Variants in RFC1 observed in about 807,000 individuals in gnomAD.
RFC1 encodes the protein replication factor C subunit 1, also known as A1 140 kDa subunit.
Under a neutral mutation model 137.4 loss-of-function variants are expected in RFC1, and 37 were observed. The observed-to-expected ratio is 0.27, with a 90% CI of 0.21 to 0.35. The LOEUF is 0.35. Among genes scored for constraint, RFC1 ranks in the 10% least tolerant of loss-of-function variants. The pLI, the probability that RFC1 is intolerant of heterozygous loss-of-function variation, is 1.00. For synonymous variants in RFC1, 429 were observed against 455.7 expected (o/e 0.94, Z 0.75); for missense variants, 1,205 against 1,358.5 (o/e 0.89, Z 1.78).
At chr4:39,361,403 A>G (rs1040979495) in intron 1 of RFC1, among the ~76,000 whole-genome samples, 2 of 152,178 alleles carry the variant, frequency 1.3e-5, no homozygotes, top group Non-Finnish European at 2.9e-5. Flanking sequence ...TCAATCAATC[A>G]ATCAATAAAA....
At chr4:39,301,315 G>A (rs1334708378) in intron 19 of RFC1, among the ~76,000 whole-genome samples, 1 of 152,166 alleles carries the variant, frequency 6.6e-6, no homozygotes, top group Non-Finnish European at 1.5e-5. Flanking sequence ...GTAGAGCACA[G>A]AGGATGTTCA....
At chr4:39,348,445 A>ACGGG (rs1740998202) in intron 2 of RFC1, among the ~76,000 whole-genome samples, 1 of 123,268 alleles carries the variant, frequency 8.1e-6, no homozygotes, top group Non-Finnish European at 1.9e-5. Context: ...AAAAGAAAAG[A>ACGGG]AAAGAAAAGA....
intron 15 of RFC1, 116 bp from the exon 16 acceptor site, chr4:39,303,267 A>T: frequency 2.9e-6 from 2 of 686,122 alleles, no homozygotes. Context: ...CTACAAGAAT[A>T]TGCAGCACTG....
At chr4:39,357,290 G>C (rs1229667607) in intron 1 of RFC1, among the ~76,000 whole-genome samples, 3 of 152,192 alleles carry the variant, frequency 2.0e-5, no homozygotes, top group Non-Finnish European at 4.4e-5. Flanking sequence ...TTCTACTGCT[G>C]TTGTGGCAAG....
At chr4:39,312,595 G>C (rs1178311009) in intron 11 of RFC1, among the ~76,000 whole-genome samples, 157 bp downstream of exon 11, 1 of 152,172 alleles carries the variant, frequency 6.6e-6, no homozygotes, top group Non-Finnish European at 1.5e-5. Context: ...CCTGGTGTCA[G>C]AGCCAATAAC....
chr4:39,337,863 A>G (rs1336645596), intron 4 of RFC1, among the ~76,000 whole-genome samples: 1 of 152,158 alleles, frequency 6.6e-6, no homozygotes, highest in Non-Finnish European at 1.5e-5. Context: ...TTTTTTTCCC[A>G]TTTAAACACT....
chr4:39,307,443 G>A (rs1274716433), intron 13 of RFC1: 1 of 152,798 alleles, frequency 6.5e-6, no homozygotes, highest in Non-Finnish European at 1.5e-5. Context: ...TTGGCTGGGT[G>A]CGGTGGCTCA....
At position 39,321,328 on chromosome 4, in the gene RFC1, G is replaced by C. The variant is rs759016023; in HGVS notation, c.767C>G (p.Ala256Gly). 1 of 1,613,370 alleles carries C rather than the reference G, an allele frequency of 6.2e-7. No individual in the cohort carries two copies. Among genetic ancestry groups the C allele is most frequent in the Non-Finnish European group, 8.5e-7 (1 of 1,179,680 alleles). ...ATGTTTTTCTGCTTTACTTAAATTGGCTTGGACAGATGAAAACGTTTCTCC... is the reference window on the plus strand; with the variant it reads ...ATGTTTTTCTGCTTTACTTAAATTGCCTTGGACAGATGAAAACGTTTCTCC... ...EAGETFSSVQANLSKAEKHKY... is the reference protein window; with the variant it reads ...EAGETFSSVQGNLSKAEKHKY... Residue 256 changes from alanine to glycine, a missense_variant, in exon 8 of 25, where the codon GCC becomes GGC. Transcript: ENST00000349703.
intron 1 of RFC1, among the ~76,000 whole-genome samples, chr4:39,363,944 G>C (rs1578182099): frequency 1.3e-5 from 2 of 151,124 alleles, no homozygotes; most frequent in East Asian, 1.9e-4. Flanking sequence ...GCCAGGCACA[G>C]TGGCTCATGC....
In RFC1 at chr4:39,300,353, A is replaced by G. The variant is rs1214987412; in HGVS notation, c.2597T>C (p.Leu866Pro). The change falls in exon 20 of 25, where the codon CTT becomes CCT. Residue 866 changes from leucine to proline, a missense_variant. By Grantham distance (98) the Leu-to-Pro change is moderately conservative. Coordinates refer to ENST00000349703, the MANE Select transcript of RFC1 (RefSeq NM_002913.5). ...AAAAAAGAGATCTGACTTGTCCACA[A>G]GTGACATGTGAGCAGTCTCCTCTCC... is the stretch of plus-strand genomic sequence containing the variant. Reference protein sequence around the residue: ...AAGEETAHMSLVDKSDLFFHD... With the variant: ...AAGEETAHMSPVDKSDLFFHD... The G allele has an allele frequency of 3.7e-6, 6 of 1,614,052 alleles. No homozygotes were observed. Among genetic ancestry groups the G allele is most frequent in the Admixed American group, 1.7e-5 (1 of 60,028 alleles).
intron 12 of RFC1, among the ~76,000 whole-genome samples, chr4:39,309,575 A>G (rs895463240): frequency 1.3e-5 from 2 of 152,226 alleles, no homozygotes; most frequent in African/African-American, 2.4e-5. Context: ...CCAGACACAA[A>G]AGGCCATATA....
intron 6 of RFC1, among the ~76,000 whole-genome samples, chr4:39,326,342 A>G (rs1739765078): frequency 6.6e-6 from 1 of 152,260 alleles, no homozygotes; most frequent in Admixed American, 6.5e-5. Context: ...CTTCAAAATC[A>G]TCTCACAGCA....
intron 21 of RFC1, among the ~76,000 whole-genome samples, chr4:39,298,195 C>T (rs1166314241): frequency 6.6e-6 from 1 of 151,200 alleles, no homozygotes; most frequent in Non-Finnish European, 1.5e-5. Context: ...ATGGTCCCAG[C>T]TACTTGCAGG....
chr4:39,292,442 T>C (rs1221154485), intron 22 of RFC1, among the ~76,000 whole-genome samples: 3 of 152,182 alleles, frequency 2.0e-5, no homozygotes, highest in South Asian at 2.1e-4. Context: ...AAACAGTCTC[T>C]GGTCTGCTGA....
chr4:39,320,606 T>C lies in RFC1; in HGVS notation c.872A>G (p.Glu291Gly), dbSNP rs761966474. Residue 291 changes from glutamate to glycine, a missense_variant, in exon 9 of 25, where the codon GAA becomes GGA. This residue lies in a region of RFC1 where 962 missense variants were observed against 1,035.3 expected (regional missense o/e 0.93). Transcript: ENST00000349703. ...SYSPRKQSKY[E>G]SSKESQQHSK... ...ATGTTGCTGAGATTCTTTTGAACTT[T>C]CATATTTACTTTGCTTCCTAGGACT... 2.9e-5 allele frequency: 46 copies of C among 1,612,106 alleles called. No homozygotes were observed. The highest frequency in any genetic ancestry group is 3.6e-5 in the Non-Finnish European group (43 of 1,179,538).
intron 6 of RFC1, among the ~76,000 whole-genome samples, chr4:39,324,105 T>C (rs897285325): frequency 6.6e-6 from 1 of 152,164 alleles, no homozygotes; most frequent in Non-Finnish European, 1.5e-5. Context: ...ATCTTTCTCA[T>C]TATAAACCAA....
chr4:39,300,441 TAGA>T (rs758542804), intron 19 of RFC1, 27 bp from the exon 20 acceptor site: 3 of 1,585,190 alleles, frequency 1.9e-6, no homozygotes. Context: ...ACACACCTAT[TAGA>T]ATGGCCAAAA....
intron 1 of RFC1, among the ~76,000 whole-genome samples, chr4:39,361,524 A>G (rs1390463249): frequency 2.0e-5 from 3 of 152,220 alleles, no homozygotes; most frequent in African/African-American, 7.2e-5. Flanking sequence ...CTTGTACTCA[A>G]TGTTGTCGAG....
rs182660683 is a variant in RFC1, at chr4:39,331,145, A to G, written c.332-3389T>C. ...ATGATCATGGTATTATAGAAACTCAAATTTTTTTAATACTTGACAGCTGAC... is the reference window on the plus strand; with the variant it reads ...ATGATCATGGTATTATAGAAACTCAGATTTTTTTAATACTTGACAGCTGAC... On this transcript the variant is annotated intron_variant, in intron 4 of 24. Coordinates refer to ENST00000349703, the MANE Select transcript of RFC1 (RefSeq NM_002913.5). Among the ~76,000 whole-genome samples the G allele has an allele frequency of 2.0e-5, 3 of 152,254 alleles. No individual in the cohort carries two copies. The East Asian group carries it at 5.8e-4, about 29-fold the overall frequency.
Sources: gnomAD v4.1 joint callset for allele counts (sites outside exome capture counted in the v4.1 genomes callset) on GRCh38, gnomAD v4.1.1 for gene constraint, gnomAD v4.1.1 regional missense constraint, MANE v1.5 for transcripts, NCBI Gene and HGNC (gene_info 2026-07-23, HGNC 2026-07-21) for gene names.